The following ZNF286A variants were observed in gnomAD, a reference collection of about 807,000 sequenced individuals.
ZNF286A encodes the protein zinc finger protein 286A, also known as zinc finger protein ZNF286.
A neutral mutation model predicts 49.3 loss-of-function variants in ZNF286A; 34 were observed. The observed-to-expected ratio is 0.69, with a 90% CI of 0.52 to 0.92. The LOEUF is 0.92. Among genes scored for constraint, ZNF286A ranks in the 40% least tolerant of loss-of-function variants. The probability of loss-of-function intolerance (pLI) is 0.00; values close to 1 mark genes in which losing one functional copy is unlikely to be tolerated. For missense variants in ZNF286A, 462 were observed against 600.2 expected, an observed-to-expected ratio of 0.77 and a Z score of 2.41; for synonymous variants, 155 against 200.4, an observed-to-expected ratio of 0.77 and a Z score of 1.91.
chr17:15,712,584 C>T (rs184954720), intron 5 of ZNF286A, among the ~76,000 whole-genome samples: 51 of 152,336 alleles, frequency 3.3e-4, no homozygotes, highest in Admixed American at 3.3e-3. Context: ...ACAGTCTTTA[C>T]ATCACCCCCT....
At chr17:15,701,055 T>C in intron 2 of ZNF286A, 97 bp from the exon 3 acceptor site, 6 of 919,998 alleles carry the variant, frequency 6.5e-6, no homozygotes, top group Non-Finnish European at 1.0e-5. Context: ...TCAGTGTTTG[T>C]AGGCAGCACA....
chr17:15,714,461 T>C (rs1206607516), intron 5 of ZNF286A, among the ~76,000 whole-genome samples: 1 of 152,188 alleles, frequency 6.6e-6, no homozygotes, highest in Non-Finnish European at 1.5e-5. Context: ...TTATGTTTTA[T>C]TTATTTAACA....
chr17:15,706,592 A>T, intron 4 of ZNF286A, 91 bp downstream of exon 4: 1 of 942,598 alleles, frequency 1.1e-6, no homozygotes, highest in South Asian at 2.0e-5. Flanking sequence ...TCACCTTTGC[A>T]TTCAGGAGTC....
rs186264311 is a variant in ZNF286A, at chr17:15,717,962, C to T, written c.*672C>T. 6,053 of 113,484 alleles carry T rather than the reference C, an allele frequency of 0.053. 232 individuals are homozygous for T. Among genetic ancestry groups the T allele is most frequent in the African/African-American group, 0.12 (3,348 of 28,902 alleles). The allele number at this position is 113,484 out of a possible 1,614,324, so 7.0% of individuals were successfully genotyped here. A position where few individuals can be genotyped will look rare whatever the true frequency, so the allele number is the denominator to read the frequency against. On this transcript the variant is annotated 3_prime_UTR_variant, in exon 6 of 6. Transcript: ENST00000583566. ...TTTTTTTTTTTTTTTGAGACAGAGT[C>T]TTGCTCTGTTGCCCGGGCTGGAGTG...
At chr17:15,708,350 A>AT (rs1013929423) in intron 5 of ZNF286A, 103 bp downstream of exon 5, 33 of 843,042 alleles carry the variant, frequency 3.9e-5, no homozygotes, top group African/African-American at 8.8e-5. Context: ...TTATTTTTAA[A>AT]TTTTTTTAAA....
chr17:15,707,340 T>A (rs1226273730), intron 4 of ZNF286A, among the ~76,000 whole-genome samples: 1 of 150,790 alleles, frequency 6.6e-6, no homozygotes, highest in Non-Finnish European at 1.5e-5. Context: ...CTCGGGAGGC[T>A]GAGGCAGGAG....
chr17:15,719,480 A>G lies in ZNF286A; in HGVS notation c.*2190A>G, dbSNP rs1967264227. The G allele has an allele frequency of 2.0e-5, 3 of 150,880 alleles. No individual in the cohort carries two copies. The highest frequency in any genetic ancestry group is 4.3e-4 in the South Asian group (2 of 4,682). 9.3% of individuals were successfully genotyped at this position (150,880 alleles called of 1,614,324 possible). On this transcript the variant is annotated 3_prime_UTR_variant, in exon 6 of 6. Coordinates refer to ENST00000583566, the MANE Select transcript of ZNF286A (RefSeq NM_001130842.2). ...AGTTTTGGAGGCTGGGAAGTCCAAG[A>G]TCAAGGTGTCAACATATTTAGGGTC... is the stretch of plus-strand genomic sequence containing the variant.
In ZNF286A at chr17:15,708,245, C is replaced by T; in HGVS notation, c.332C>T (p.Ser111Leu). The T allele has an allele frequency of 1.3e-6, 2 of 1,581,642 alleles. No homozygotes were observed. Among genetic ancestry groups the T allele is most frequent in the East Asian group, 2.3e-5 (1 of 43,200 alleles). ...LERKAPKSSY[S>L]DMETRPQSKD... Reference sequence around the variant, plus strand: ...AGAAAAGCCCCCAAAAGCAGCTATTCAGGTGAGCCAGATAGATGGGAGTCT... The same window carrying T: ...AGAAAAGCCCCCAAAAGCAGCTATTTAGGTGAGCCAGATAGATGGGAGTCT... Residue 111 changes from serine (S) to leucine (L), a missense_variant and splice_region_variant, in exon 5 of 6, where the codon TCA becomes TTA. This residue lies in a region of ZNF286A where 259 missense variants were observed against 272.2 expected (regional missense o/e 0.95). Coordinates refer to ENST00000583566, the MANE Select transcript of ZNF286A (RefSeq NM_001130842.2).
chr17:15,700,266 T>C lies in ZNF286A; in HGVS notation c.-64T>C, dbSNP rs1462526153. 1.5e-6 allele frequency: 1 copy of C among 647,948 alleles called. No individual in the cohort carries two copies. 40.1% of individuals were successfully genotyped at this position (647,948 alleles called of 1,614,324 possible). The stretch of plus-strand genomic sequence containing the variant: ...AGGCCCGGGGGGCTTCTAACTCGTC[T>C]GGCCAGGGAGATCTGAATTGGGGTG... On this transcript the variant is annotated 5_prime_UTR_variant, in exon 2 of 6. Transcript: ENST00000583566.
chr17:15,702,368 A>G (rs1259752906), intron 3 of ZNF286A, among the ~76,000 whole-genome samples: 1 of 152,050 alleles, frequency 6.6e-6, no homozygotes, highest in Non-Finnish European at 1.5e-5. Context: ...TACAAAAATT[A>G]GCTGGGCTTG....
chr17:15,708,120 CTTCT>C (rs1166381793), intron 4 of ZNF286A, 31 bp from the exon 5 acceptor site: 1 of 1,479,158 alleles, frequency 6.8e-7, no homozygotes, highest in South Asian at 1.5e-5. Context: ...CCATTACTTT[CTTCT>C]TTCTGTCTTT....
chr17:15,707,856 C>T (rs917171695), intron 4 of ZNF286A, among the ~76,000 whole-genome samples: 4 of 151,996 alleles, frequency 2.6e-5, no homozygotes, highest in East Asian at 1.9e-4. Flanking sequence ...TCCAGCAGGA[C>T]GGTGGCCATG....
intron 5 of ZNF286A, among the ~76,000 whole-genome samples, chr17:15,714,654 A>G (rs1249330661): frequency 1.3e-5 from 2 of 152,170 alleles, no homozygotes; most frequent in Non-Finnish European, 2.9e-5. Flanking sequence ...TCACACAGCT[A>G]GTAAGTGGCA....
Position 15,706,484 on chromosome 17 carries a change from G to A in ZNF286A, c.224G>A (p.Arg75Lys). 1 of 1,609,732 alleles carries A rather than the reference G, an allele frequency of 6.2e-7. No individual in the cohort carries two copies. Among genetic ancestry groups the A allele is most frequent in the Non-Finnish European group, 8.5e-7 (1 of 1,178,064 alleles). The change falls in exon 4 of 6, where the codon AGG (arginine) becomes AAG (lysine). Residue 75 changes from arginine (R) to lysine (K), a missense_variant. By Grantham distance (26) the Arg-to-Lys change is conservative. Transcript: ENST00000583566. ...AQRDVMLENY[R>K]NLVSLWLPVS... Reference sequence around the variant, plus strand: ...AGGGATGTGATGCTGGAGAACTATAGGAACCTAGTCTCACTTTGTAAGAAT... The same window carrying A: ...AGGGATGTGATGCTGGAGAACTATAAGAACCTAGTCTCACTTTGTAAGAAT...
At chr17:15,706,272 A>C in intron 3 of ZNF286A, 115 bp from the exon 4 acceptor site, 1 of 739,190 alleles carries the variant, frequency 1.4e-6, no homozygotes, top group Non-Finnish European at 2.4e-6. Flanking sequence ...CATTTATCAT[A>C]GTCAGTTCCC....
chr17:15,705,162 C>T (rs1427713750), intron 3 of ZNF286A, among the ~76,000 whole-genome samples: 3 of 152,156 alleles, frequency 2.0e-5, no homozygotes, highest in Admixed American at 1.3e-4. Context: ...TAATTTTAGA[C>T]ATAAGAAGTG....
intron 5 of ZNF286A, among the ~76,000 whole-genome samples, chr17:15,712,038 AT>A (rs1203289578): frequency 2.0e-5 from 3 of 151,838 alleles, no homozygotes; most frequent in South Asian, 2.1e-4. Context: ...CACCCGGCTA[AT>A]TTTTTTGTAT....
intron 5 of ZNF286A, among the ~76,000 whole-genome samples, chr17:15,709,284 A>G (rs2601952): frequency 0.41 from 53,359 of 128,848 alleles, 12,101 homozygotes; most frequent in East Asian, 0.61. Flanking sequence ...GAGGTCAGAA[A>G]TTTGAGACCA....
At chr17:15,706,650 C>A in intron 4 of ZNF286A, 149 bp downstream of exon 4, 1 of 508,646 alleles carries the variant, frequency 2.0e-6, no homozygotes, top group Non-Finnish European at 3.3e-6. Flanking sequence ...TGTTTTTGCT[C>A]TAGATTCTTG....
Sources: gnomAD v4.1 joint callset for allele counts (sites outside exome capture counted in the v4.1 genomes callset) on GRCh38, gnomAD v4.1.1 for gene constraint, gnomAD v4.1.1 regional missense constraint, MANE v1.5 for transcripts, NCBI Gene and HGNC (gene_info 2026-07-23, HGNC 2026-07-21) for gene names.